THOC1: variants seen among roughly 807,000 people sequenced by gnomAD.
THOC1 encodes THO complex subunit 1, also known as THO complex 1.
In THOC1, 29 loss-of-function variants were observed where a neutral mutation model predicts 97.3. The observed-to-expected ratio is 0.30, with a 90% confidence interval of 0.22 to 0.41. The LOEUF (loss-of-function observed/expected upper bound fraction) is 0.41. THOC1 is among the 10% of genes least tolerant of loss of function. The probability of loss-of-function intolerance (pLI) is 1.00; values close to 1 mark genes in which losing one functional copy is unlikely to be tolerated. For synonymous variants in THOC1, 255 were observed against 257.0 expected (o/e 0.99, Z 0.07); for missense variants, 529 against 761.9 (o/e 0.69, Z 3.60).
chr18:216,672 G>A, intron 18 of THOC1, 39 bp from the exon 19 acceptor site: 1 of 1,591,480 alleles, frequency 6.3e-7, no homozygotes, highest in Non-Finnish European at 8.6e-7. Flanking sequence ...TTATAGCTTT[G>A]TATTTCTGTA....
chr18:235,629 A>G (rs919073976), intron 11 of THOC1, among the ~76,000 whole-genome samples: 1 of 152,052 alleles, frequency 6.6e-6, no homozygotes, highest in Non-Finnish European at 1.5e-5. Context: ...ATGTTTTCAT[A>G]TATTTGCCTT....
intron 11 of THOC1, among the ~76,000 whole-genome samples, chr18:233,120 T>G (rs904077959): frequency 6.6e-6 from 1 of 152,224 alleles, no homozygotes; most frequent in African/African-American, 2.4e-5. Context: ...TCAAGAAATC[T>G]CTCCCTACTC....
intron 18 of THOC1, 35 bp from the exon 19 acceptor site, chr18:216,668 C>T (rs2143133826): frequency 6.3e-7 from 1 of 1,595,544 alleles, no homozygotes; most frequent in East Asian, 2.2e-5. Flanking sequence ...TAATTTATAG[C>T]TTTGTATTTC....
At chr18:220,709 T>G (rs1470553046) in intron 17 of THOC1, among the ~76,000 whole-genome samples, 2 of 152,226 alleles carry the variant, frequency 1.3e-5, no homozygotes, top group Non-Finnish European at 2.9e-5. Context: ...ACTATTCATT[T>G]GTACATTTTT....
intron 10 of THOC1, among the ~76,000 whole-genome samples, chr18:247,517 A>G (rs1434813899): frequency 6.6e-6 from 1 of 152,218 alleles, no homozygotes; most frequent in African/African-American, 2.4e-5. Context: ...CAGAGCCATG[A>G]CTTGAGGACT....
chr18:266,365 T>A (rs923372635), intron 1 of THOC1, among the ~76,000 whole-genome samples: 5 of 152,144 alleles, frequency 3.3e-5, no homozygotes, highest in Non-Finnish European at 7.3e-5. Context: ...AGGGTTTTTG[T>A]AGATTTTTAC....
chr18:235,695 G>A (rs1911655961), intron 11 of THOC1, among the ~76,000 whole-genome samples: 1 of 152,066 alleles, frequency 6.6e-6, no homozygotes, highest in Admixed American at 6.6e-5. Flanking sequence ...TGATTACAGA[G>A]AAATGTGGCC....
chr18:262,688 G>T (rs781011348), intron 4 of THOC1, among the ~76,000 whole-genome samples: 3 of 152,214 alleles, frequency 2.0e-5, no homozygotes, highest in African/African-American at 7.2e-5. Flanking sequence ...TGATTAGGCA[G>T]CTTGTATAAA....
At chr18:223,569 T>G in intron 16 of THOC1, 64 bp from the exon 17 acceptor site, 1 of 1,281,108 alleles carries the variant, frequency 7.8e-7, no homozygotes, top group South Asian at 1.3e-5. Context: ...GCCTTGAAAC[T>G]GAACAGAAAA....
At chr18:243,195 T>C (rs928381741) in intron 11 of THOC1, among the ~76,000 whole-genome samples, 1 of 152,206 alleles carries the variant, frequency 6.6e-6, no homozygotes, top group African/African-American at 2.4e-5. Context: ...CGTGATGTGA[T>C]ATTAATTAAT....
intron 19 of THOC1, 131 bp from the exon 20 acceptor site, chr18:215,635 A>C: frequency 3.0e-6 from 2 of 665,540 alleles, no homozygotes; most frequent in Admixed American, 5.2e-5. Context: ...TGAGAGCGTT[A>C]AATGACAGTG....
At chr18:267,942 T>C in intron 1 of THOC1, 24 bp downstream of exon 1, 2 of 1,607,508 alleles carry the variant, frequency 1.2e-6, no homozygotes, top group Non-Finnish European at 1.7e-6. Flanking sequence ...GGGTCAGGCC[T>C]GCACCCTCCC....
chr18:236,249 T>C (rs1025985295), intron 11 of THOC1, among the ~76,000 whole-genome samples: 5 of 152,144 alleles, frequency 3.3e-5, no homozygotes, highest in Non-Finnish European at 5.9e-5. Flanking sequence ...TCTTTTATTT[T>C]CCATGTAAGT....
At position 264,069 on chromosome 18, in the gene THOC1, G is replaced by A. The variant is rs1392414567; in HGVS notation, c.213C>T (p.Asn71=). Reference sequence around the variant, plus strand: ...TAGCAAGAGAAATAATAGCTAAAACGTTTTCACATGATGAATGATTTATCT... The same window carrying A: ...TAGCAAGAGAAATAATAGCTAAAACATTTTCACATGATGAATGATTTATCT... ...EEIINHSSCE[N]VLAIISLAIG... Residue 71 remains asparagine, a synonymous_variant, in exon 4 of 21, where the codon AAC becomes AAT. Coordinates refer to ENST00000261600, the MANE Select transcript of THOC1 (RefSeq NM_005131.3). 8 of 1,611,792 alleles carry A rather than the reference G, an allele frequency of 5.0e-6. No homozygotes were observed. The East Asian group carries it at 6.7e-5, about 14-fold the overall frequency.
In THOC1 at chr18:264,330, A is replaced by C. The variant is rs149093763; in HGVS notation, c.190-238T>G. ...AACTCACTCAAAATCCAATGGTCTC[A>C]AGAAAATGGTTATATTAGCAAGATG... On this transcript the variant is annotated intron_variant, in intron 3 of 20. Coordinates refer to ENST00000261600, the MANE Select transcript of THOC1 (RefSeq NM_005131.3). Among the ~76,000 whole-genome samples the C allele has an allele frequency of 2.0e-5, 3 of 152,200 alleles. No homozygotes were observed. The East Asian group carries it at 5.8e-4, about 29-fold the overall frequency.
rs1314896774 is a variant in THOC1, at chr18:254,799, G to C, written c.521-444C>G. Among the ~76,000 whole-genome samples, 2 of 151,856 alleles carry C rather than the reference G, an allele frequency of 1.3e-5. No individual in the cohort carries two copies. The highest frequency in any genetic ancestry group is 3.9e-4 in the East Asian group (2 of 5,164). ...TTTGCCACAAACTGTGCCCATCTAA[G>C]ATCTAAGACAGTAAACTATTTTTTT... On this transcript the variant is annotated intron_variant, in intron 7 of 20. Coordinates refer to ENST00000261600, the MANE Select transcript of THOC1 (RefSeq NM_005131.3). The surrounding 1 kb of genome is among the most constrained non-coding windows in gnomAD (Gnocchi z 4.1).
At chr18:263,203 C>T (rs1184359422) in intron 4 of THOC1, among the ~76,000 whole-genome samples, 1 of 152,154 alleles carries the variant, frequency 6.6e-6, no homozygotes, top group African/African-American at 2.4e-5. Flanking sequence ...GCCTCGGCCT[C>T]CTGAGTAGCT....
chr18:247,038 T>C (rs62073529), intron 10 of THOC1, among the ~76,000 whole-genome samples: 5 of 152,088 alleles, frequency 3.3e-5, no homozygotes, highest in Admixed American at 6.5e-5. Flanking sequence ...TAACCACCTG[T>C]GGAAACTCTT....
intron 1 of THOC1, among the ~76,000 whole-genome samples, chr18:267,167 C>A (rs1912801885): frequency 6.6e-6 from 1 of 152,064 alleles, no homozygotes; most frequent in East Asian, 1.9e-4. Flanking sequence ...ATGCTAGAGA[C>A]GAATAGAGTC....
Sources: gnomAD v4.1 joint callset for allele counts (sites outside exome capture counted in the v4.1 genomes callset) on GRCh38, gnomAD v4.1.1 for gene constraint, Gnocchi (gnomAD v3.1) non-coding constraint, MANE v1.5 for transcripts, NCBI Gene and HGNC (gene_info 2026-07-23, HGNC 2026-07-21) for gene names.